CATSPER2: variants seen among roughly 807,000 people sequenced by gnomAD.
CATSPER2 encodes the protein cation channel sperm-associated protein 2.
CATSPER2 carries 56 observed loss-of-function variants against 68.8 expected under a neutral mutation model. That is an observed-to-expected ratio of 0.81 (90% CI 0.66 to 1.02). The LOEUF (loss-of-function observed/expected upper bound fraction) is 1.02, where lower values mean the gene tolerates loss of function less well. Among genes scored for constraint, CATSPER2 ranks in the 50% least tolerant of loss-of-function variants. CATSPER2 has a pLI of 0.00. For missense variants in CATSPER2, 582 were observed against 642.0 expected, an observed-to-expected ratio of 0.91 and a Z score of 1.01; for synonymous variants, 198 against 229.9, an observed-to-expected ratio of 0.86 and a Z score of 1.26.
In CATSPER2 at chr15:43,628,727, C is replaced by T. The variant is rs1238469434; in HGVS notation, c.*1974G>A. ...TAATTAGTGATTTCATCACAACCAC[C>T]ACCTTACCTCAACAATTTGTTCAGA... On this transcript the variant is annotated 3_prime_UTR_variant, in exon 13 of 13. Transcript: ENST00000396879. 7.9e-6 allele frequency: 1 copy of T among 126,914 alleles called. No individual in the cohort carries two copies. The highest frequency in any genetic ancestry group is 3.8e-5 in the African/African-American group (1 of 26,134). 7.9% of individuals were successfully genotyped at this position (126,914 alleles called of 1,614,324 possible). A position where few individuals can be genotyped will look rare whatever the true frequency, so the allele number is the denominator to read the frequency against.
At chr15:43,632,654 A>C (rs1302218818) in intron 11 of CATSPER2, 63 bp downstream of exon 11, 32 of 1,609,098 alleles carry the variant, frequency 2.0e-5, no homozygotes, top group Non-Finnish European at 2.6e-5. Context: ...TAAGACTAAG[A>C]TGTCTTAAAG....
rs753160194 is a variant in CATSPER2 at position 43,648,063 on chromosome 15, T to C, written c.-2A>G. 23 of 1,613,600 alleles carry C rather than the reference T, an allele frequency of 1.4e-5. 1 individual carries two copies. In the South Asian group the frequency reaches 2.3e-4, roughly 16 times the overall value. On this transcript the variant is annotated splice_region_variant and 5_prime_UTR_variant, in exon 2 of 13. Coordinates refer to ENST00000396879, the MANE Select transcript of CATSPER2 (RefSeq NM_172095.4). Reference sequence around the variant, plus strand: ...CTCTTCTTGTTGGTAAGCGGCCATGTCTGCTAAGAAAATGTAAGCATCAAG... The same window carrying C: ...CTCTTCTTGTTGGTAAGCGGCCATGCCTGCTAAGAAAATGTAAGCATCAAG...
chr15:43,632,094 T>C, intron 12 of CATSPER2, 105 bp downstream of exon 12: 1 of 1,296,274 alleles, frequency 7.7e-7, no homozygotes, highest in Non-Finnish European at 1.1e-6. Flanking sequence ...TAGGCAGAAA[T>C]TGAGAAGCTG....
chr15:43,635,663 A>G, intron 9 of CATSPER2, 64 bp downstream of exon 9: 2 of 1,486,646 alleles, frequency 1.3e-6, no homozygotes, highest in Non-Finnish European at 1.9e-6. Context: ...GAGAAGTAGA[A>G]ACAAGAAATG....
intron 9 of CATSPER2, 87 bp from the exon 10 acceptor site, chr15:43,635,503 A>G: frequency 7.0e-7 from 1 of 1,428,088 alleles, no homozygotes; most frequent in Non-Finnish European, 9.8e-7. Context: ...CAGAAAGTGA[A>G]GAAAACTAAT....
Position 43,638,904 on chromosome 15 carries a change from G to C in CATSPER2, c.842C>G (p.Ser281Trp), listed in dbSNP as rs112488180. The C allele has an allele frequency of 6.2e-7, 1 of 1,612,308 alleles. No homozygotes were observed. Among genetic ancestry groups the C allele is most frequent in the Non-Finnish European group, 8.5e-7 (1 of 1,179,110 alleles). ...CCCAGCTGTCCCCAGCTCTGCTTACGAGAAGAACACATGGTACTCCAGGTC... is the reference window on the plus strand; with the variant it reads ...CCCAGCTGTCCCCAGCTCTGCTTACCAGAAGAACACATGGTACTCCAGGTC... ...RQDLEYHVFF[S>W]DLPNSLVTVF... is the part of the protein sequence containing the mutation. The change falls in exon 7 of 13, where the codon TCG becomes TGG. Residue 281 changes from serine to tryptophan, a missense_variant and splice_region_variant. Ser to Trp is a radical substitution (Grantham distance 177). Transcript: ENST00000396879.
chr15:43,647,940 C>G lies in CATSPER2; in HGVS notation c.122G>C (p.Arg41Pro). Residue 41 changes from arginine to proline, a missense_variant, in exon 2 of 13, where the codon CGG (arginine) becomes CCG (proline). By Grantham distance (103) the Arg-to-Pro change is moderately radical. Around this residue, in one of 5 missense-constraint regions of CATSPER2, gnomAD observed 197 missense variants for 191.0 expected, o/e 1.03. Coordinates refer to ENST00000396879, the MANE Select transcript of CATSPER2 (RefSeq NM_172095.4). ...ACCAAGTAACTCCCTGATAGTGTGC[C>G]GCGGCACAGCTTGGCTCAAGCCTTG... ...HLQGLSQAVP[R>P]HTIRELLDPS... 6.2e-7 allele frequency: 1 copy of G among 1,613,568 alleles called. No homozygotes were observed. The highest frequency in any genetic ancestry group is 1.3e-5 in the African/African-American group (1 of 74,898).
chr15:43,644,729 T>C (rs2086131176), intron 4 of CATSPER2, among the ~76,000 whole-genome samples: 1 of 151,964 alleles, frequency 6.6e-6, no homozygotes, highest in African/African-American at 2.4e-5. Flanking sequence ...AGCTTCATCC[T>C]GAAACCTCCC....
intron 6 of CATSPER2, 60 bp from the exon 7 acceptor site, chr15:43,639,088 C>T (rs2086022200): frequency 1.3e-6 from 2 of 1,597,602 alleles, no homozygotes; most frequent in South Asian, 2.2e-5. Context: ...CCACCAACAG[C>T]CCAGTCAAGC....
At position 43,639,026 on chromosome 15, in the gene CATSPER2, G is replaced by T. The variant is rs1297682953; in HGVS notation, c.720C>A (p.Ser240Arg). 3.1e-6 allele frequency: 5 copies of T among 1,612,132 alleles called. No homozygotes were observed. The highest frequency in any genetic ancestry group is 2.2e-5 in the East Asian group (1 of 44,780). Residue 240 changes from serine to arginine, a missense_variant and splice_region_variant, in exon 7 of 13, where the codon AGC becomes AGA. By Grantham distance (110) the Ser-to-Arg change is moderately radical (BLOSUM62 -1). Coordinates refer to ENST00000396879, the MANE Select transcript of CATSPER2 (RefSeq NM_172095.4). ...IILVLVRALK[S>R]MTFLLMLLLI... ...GCAGCAACATCAAGAGGAAGGTCATGCTCTAGAGGCCATAACTCTCATGTC... is the reference window on the plus strand; with the variant it reads ...GCAGCAACATCAAGAGGAAGGTCATTCTCTAGAGGCCATAACTCTCATGTC...
At chr15:43,648,853 A>G (rs916092742), upstream of CATSPER2, 2 of 1,522,978 alleles carry the variant, frequency 1.3e-6, no homozygotes, top group Admixed American at 2.0e-5. Flanking sequence ...ACGCTCGCCC[A>G]GCCACTCGCC....
In CATSPER2 at chr15:43,647,389, T is replaced by A; in HGVS notation, c.224A>T (p.Glu75Val). The change falls in exon 3 of 13, where the codon GAA becomes GTA. Residue 75 changes from glutamate to valine, a missense_variant. Physicochemically the swap from Glu to Val is moderately radical, Grantham distance 121. Transcript: ENST00000396879. ...VRFSIKPQRI[E>V]QISHAQRLLS... ...CAGCCTCTGGGCATGTGAAATCTGT[T>A]CTATACGCTGAGGCTTTATAGAGAA... The A allele has an allele frequency of 1.9e-6, 3 of 1,613,450 alleles. No individual in the cohort carries two copies. In the African/African-American group the frequency reaches 4.0e-5, roughly 22 times the overall value.
Position 43,648,790 on chromosome 15 carries a change from C to A in CATSPER2, c.-164G>T. 1 of 1,529,616 alleles carries A rather than the reference C, an allele frequency of 6.5e-7. No homozygotes were observed. The highest frequency in any genetic ancestry group is 1.2e-5 in the South Asian group (1 of 83,328). The allele number at this position is 1,529,616 out of a possible 1,614,324, so 94.8% of individuals were successfully genotyped here. A position where few individuals can be genotyped will look rare whatever the true frequency, so the allele number is the denominator to read the frequency against. ...CCCGCTCGACCCCCAGGTTTCGGCT[C>A]ACCCCGGGACCCGGCCCTAGCCCCT... On this transcript the variant is annotated 5_prime_UTR_variant, in exon 1 of 13. Transcript: ENST00000396879.
Position 43,639,663 on chromosome 15 carries a change from C to T in CATSPER2, c.697G>A (p.Val233Ile). ...QFRQIQIIIL[V>I]LVRALKSMTF... ...ATCACCTTGAGGGCCCTGACCAGGA[C>T]CAAAATAATAATTTGAATTTGACGG... The change falls in exon 6 of 13, where the codon GTC becomes ATC. Residue 233 changes from valine to isoleucine, a missense_variant. Around this residue, in one of 5 missense-constraint regions of CATSPER2, gnomAD observed 91 missense variants for 72.8 expected, o/e 1.25. Coordinates refer to ENST00000396879, the MANE Select transcript of CATSPER2 (RefSeq NM_172095.4). 1.9e-6 allele frequency: 3 copies of T among 1,613,024 alleles called. No individual in the cohort carries two copies. The South Asian group carries it at 3.3e-5, about 18-fold the overall frequency.
At chr15:43,639,540 C>T in intron 6 of CATSPER2, 103 bp downstream of exon 6, 1 of 1,536,322 alleles carries the variant, frequency 6.5e-7, no homozygotes, top group Non-Finnish European at 8.8e-7. Flanking sequence ...GCTGGGATTA[C>T]AGGCGTGAGC....
chr15:43,644,531 C>T (rs1385056317), intron 4 of CATSPER2, among the ~76,000 whole-genome samples: 4 of 151,842 alleles, frequency 2.6e-5, no homozygotes, highest in Non-Finnish European at 5.9e-5. Context: ...TGGTACCAGT[C>T]CATGGTCTGT....
chr15:43,628,744 T>A lies in CATSPER2; in HGVS notation c.*1957A>T, dbSNP rs140289450. ...ACAACCACCACCTTACCTCAACAAT[T>A]TGTTCAGACGTAAGCATATGACCTA... On this transcript the variant is annotated 3_prime_UTR_variant, in exon 13 of 13. Coordinates refer to ENST00000396879, the MANE Select transcript of CATSPER2 (RefSeq NM_172095.4). The A allele has an allele frequency of 1.0e-4, 13 of 127,528 alleles. No individual in the cohort carries two copies. The East Asian group carries it at 2.3e-3, about 23-fold the overall frequency. The allele number at this position is 127,528 out of a possible 1,614,324, so 7.9% of individuals were successfully genotyped here. A position where few individuals can be genotyped will look rare whatever the true frequency, so the allele number is the denominator to read the frequency against.
At chr15:43,635,702 T>C (rs1567127156) in intron 9 of CATSPER2, 25 bp downstream of exon 9, 1 of 1,599,808 alleles carries the variant, frequency 6.3e-7, no homozygotes, top group Non-Finnish European at 8.6e-7. Flanking sequence ...GAAGGAAAGT[T>C]GGGGTTGAAA....
At chr15:43,635,153 A>G (rs1225933022) in intron 10 of CATSPER2, 1 of 625,226 alleles carries the variant, frequency 1.6e-6, no homozygotes, top group Admixed American at 2.8e-5. Context: ...TTAACTTAGG[A>G]TCTTTTTTTT....
Sources: gnomAD v4.1 joint callset for allele counts (sites outside exome capture counted in the v4.1 genomes callset) on GRCh38, gnomAD v4.1.1 for gene constraint, gnomAD v4.1.1 regional missense constraint, MANE v1.5 for transcripts, NCBI Gene and HGNC (gene_info 2026-07-23, HGNC 2026-07-21) for gene names.